The following CELF1 variants were observed in gnomAD, a reference collection of about 807,000 sequenced individuals.
The protein encoded by CELF1 is 50 kDa nuclear polyadenylated RNA-binding protein.
In CELF1, 10 loss-of-function variants were observed where a neutral mutation model predicts 61.8. The ratio of observed to expected loss-of-function variants is 0.16; its 90% CI spans 0.10 to 0.27. The LOEUF (loss-of-function observed/expected upper bound fraction) is 0.27, where lower values mean the gene tolerates loss of function less well. CELF1 is among the 10% of genes least tolerant of loss of function. CELF1 has a pLI of 1.00. For missense variants in CELF1, 380 were observed against 639.1 expected, an observed-to-expected ratio of 0.59 and a Z score of 4.37; for synonymous variants, 236 against 225.1, an observed-to-expected ratio of 1.05 and a Z score of -0.43.
rs2087934544 is a variant in CELF1, at chr11:47,487,230, C to T, written c.271G>A (p.Val91Ile). 1.2e-6 allele frequency: 2 copies of T among 1,610,704 alleles called. No individual in the cohort carries two copies. Among genetic ancestry groups the T allele is most frequent in the Admixed American group, 1.7e-5 (1 of 59,852 alleles). Residue 91 changes from valine (V) to isoleucine (I), a missense_variant, in exon 5 of 15, where the codon GTT becomes ATT. Val to Ile is a conservative substitution (Grantham distance 29, BLOSUM62 3). Transcript: ENST00000687097. ...GCAGCTTTACGGGTGTAAAATGTAA[C>T]AAAACAGCACCCTGCAATAAATAAG... The part of the protein sequence containing the change: ...NPPQSKGCCF[V>I]TFYTRKAALE...
At chr11:47,530,487 A>G (rs2096432467) in intron 1 of CELF1, among the ~76,000 whole-genome samples, 1 of 152,242 alleles carries the variant, frequency 6.6e-6, no homozygotes, top group Non-Finnish European at 1.5e-5. Context: ...GGACATAGTC[A>G]CAGATCAGAC....
chr11:47,546,457 G>A (rs2096954131), intron 1 of CELF1, among the ~76,000 whole-genome samples: 1 of 151,804 alleles, frequency 6.6e-6, no homozygotes, highest in Admixed American at 6.6e-5. Flanking sequence ...GCAGAGACGG[G>A]GTTTCTCAGA....
intron 3 of CELF1, among the ~76,000 whole-genome samples, chr11:47,490,394 G>A (rs972140173): frequency 5.4e-5 from 8 of 148,980 alleles, no homozygotes; most frequent in Non-Finnish European, 8.9e-5. Context: ...AAATTGCCAC[G>A]TTCTAATATC....
intron 5 of CELF1, 46 bp from the exon 6 acceptor site, chr11:47,486,844 A>T (rs2087591983): frequency 1.4e-6 from 2 of 1,391,206 alleles, no homozygotes; most frequent in African/African-American, 2.8e-5. Flanking sequence ...TATTGATGGT[A>T]TTCAAAAATA....
intron 7 of CELF1, among the ~76,000 whole-genome samples, 178 bp from the exon 8 acceptor site, chr11:47,483,710 C>A (rs2084864972): frequency 6.6e-6 from 1 of 151,814 alleles, no homozygotes; most frequent in South Asian, 2.1e-4. Flanking sequence ...AAAACAGAAC[C>A]ACTGACAGAA....
At chr11:47,561,484 C>A (rs1157780328) in intron 2 of CELF1, among the ~76,000 whole-genome samples, 1 of 142,576 alleles carries the variant, frequency 7.0e-6, no homozygotes, top group African/African-American at 2.6e-5. Context: ...CACAAAGAGA[C>A]ACCACACCCA....
At chr11:47,510,755 T>C (rs1301027158) in intron 1 of CELF1, among the ~76,000 whole-genome samples, 1 of 152,194 alleles carries the variant, frequency 6.6e-6, no homozygotes, top group Non-Finnish European at 1.5e-5. Flanking sequence ...CACAAAGTGC[T>C]GGGATTACAG....
intron 1 of CELF1, among the ~76,000 whole-genome samples, chr11:47,534,682 C>T (rs1024007540): frequency 3.3e-5 from 5 of 151,980 alleles, no homozygotes; most frequent in African/African-American, 1.2e-4. Flanking sequence ...ATGCAGAGAT[C>T]GCACCACTGC....
chr11:47,483,380 C>T, intron 8 of CELF1, 73 bp downstream of exon 8: 1 of 1,174,418 alleles, frequency 8.5e-7, no homozygotes, highest in Admixed American at 1.7e-5. Flanking sequence ...GCACATGCTG[C>T]TGGACTTTAA....
chr11:47,543,283 C>A (rs1036377828), intron 1 of CELF1, among the ~76,000 whole-genome samples: 1 of 152,066 alleles, frequency 6.6e-6, no homozygotes, highest in South Asian at 2.1e-4. Context: ...CACCTATAGT[C>A]CCGGCTACTT....
chr11:47,491,377 G>A (rs2091407106), intron 3 of CELF1, among the ~76,000 whole-genome samples: 1 of 151,698 alleles, frequency 6.6e-6, no homozygotes, highest in Non-Finnish European at 1.5e-5. Flanking sequence ...TGGCCAGGCT[G>A]GTCTTGAACT....
At chr11:47,527,779 G>A (rs1267278700) in intron 1 of CELF1, among the ~76,000 whole-genome samples, 1 of 152,026 alleles carries the variant, frequency 6.6e-6, no homozygotes, top group East Asian at 1.9e-4. Context: ...AAAAATACTT[G>A]TGTGAAGGCA....
chr11:47,556,837 C>T (rs941536163), upstream of CELF1, among the ~76,000 whole-genome samples: 2 of 152,148 alleles, frequency 1.3e-5, no homozygotes, highest in Admixed American at 6.5e-5. Flanking sequence ...GCTATGATCA[C>T]GACACTGCAC....
chr11:47,546,074 C>A (rs2096938141), intron 1 of CELF1, among the ~76,000 whole-genome samples: 1 of 151,478 alleles, frequency 6.6e-6, no homozygotes, highest in African/African-American at 2.4e-5. Flanking sequence ...CCATGCCCAG[C>A]TAATTTTTTG....
intron 1 of CELF1, among the ~76,000 whole-genome samples, chr11:47,504,860 C>G (rs1483015092): frequency 6.8e-6 from 1 of 147,724 alleles, no homozygotes; most frequent in African/African-American, 2.5e-5. Context: ...CGACACCATG[C>G]CATTGCACTC....
intron 1 of CELF1, among the ~76,000 whole-genome samples, chr11:47,533,547 C>T (rs1239894778): frequency 2.6e-5 from 4 of 152,120 alleles, no homozygotes; most frequent in African/African-American, 4.8e-5. Context: ...GCTTAAACTC[C>T]GGAAGGCGGA....
At chr11:47,502,301 C>T (rs112219045) in intron 1 of CELF1, among the ~76,000 whole-genome samples, 2,420 of 152,300 alleles carry the variant, frequency 0.016, 51 homozygotes, top group African/African-American at 0.048. Flanking sequence ...CACTTCTTCT[C>T]AGGCAGGTCA....
chr11:47,513,385 T>C (rs2095347250), intron 1 of CELF1, among the ~76,000 whole-genome samples: 1 of 152,004 alleles, frequency 6.6e-6, no homozygotes, highest in South Asian at 2.1e-4. Flanking sequence ...TGAGACATAC[T>C]TGCACTTCCT....
At chr11:47,545,856 TGTGTGTGTGTCTGC>T (rs1217258077) in intron 1 of CELF1, among the ~76,000 whole-genome samples, 84 of 125,548 alleles carry the variant, frequency 6.7e-4, no homozygotes, top group African/African-American at 1.9e-3. Flanking sequence ...TATACGTGTG[TGTGTGTGTGTCTGC>T]GTGTGTGTGT....
Sources: gnomAD v4.1 joint callset for allele counts (sites outside exome capture counted in the v4.1 genomes callset) on GRCh38, gnomAD v4.1.1 for gene constraint, MANE v1.5 for transcripts, NCBI Gene and HGNC (gene_info 2026-07-23, HGNC 2026-07-21) for gene names.